The following GALNT17 variants were observed in gnomAD, a reference collection of about 807,000 sequenced individuals.
GALNT17 encodes the protein polypeptide N-acetylgalactosaminyltransferase 17.
GALNT17 carries 29 observed loss-of-function variants against 63.7 expected under a neutral mutation model. The ratio of observed to expected loss-of-function variants is 0.46; its 90% CI spans 0.34 to 0.62. The LOEUF (loss-of-function observed/expected upper bound fraction) is 0.62, where lower values mean the gene tolerates loss of function less well. Among genes scored for constraint, GALNT17 ranks in the 20% least tolerant of loss-of-function variants. GALNT17 has a pLI of 0.01. For missense variants in GALNT17, 603 were observed against 799.6 expected, an observed-to-expected ratio of 0.75 and a Z score of 2.97; for synonymous variants, 305 against 318.3, an observed-to-expected ratio of 0.96 and a Z score of 0.45.
chr7:71,240,386 C>T (rs1377758988), intron 1 of GALNT17, among the ~76,000 whole-genome samples: 2 of 152,158 alleles, frequency 1.3e-5, no homozygotes, highest in African/African-American at 4.8e-5. Context: ...CTAGGTAGCA[C>T]AGTATCCAGT....
At chr7:71,509,020 A>G (rs1788310900) in intron 5 of GALNT17, among the ~76,000 whole-genome samples, 1 of 152,098 alleles carries the variant, frequency 6.6e-6, no homozygotes, top group Non-Finnish European at 1.5e-5. Flanking sequence ...CACCATAAAA[A>G]CAGTTTCCGA....
intron 3 of GALNT17, among the ~76,000 whole-genome samples, chr7:71,410,199 A>G (rs1793405252): frequency 6.6e-6 from 1 of 151,846 alleles, no homozygotes; most frequent in African/African-American, 2.4e-5. Context: ...TTAATGCTGA[A>G]TGTGCTGCAC....
chr7:71,272,335 A>G (rs1248044749), intron 1 of GALNT17, among the ~76,000 whole-genome samples: 1 of 152,204 alleles, frequency 6.6e-6, no homozygotes, highest in Non-Finnish European at 1.5e-5. Context: ...CCTTGGGTAG[A>G]TACGTAGGAA....
intron 1 of GALNT17, among the ~76,000 whole-genome samples, chr7:71,273,994 G>A (rs1278240298): frequency 6.6e-6 from 1 of 152,202 alleles, no homozygotes; most frequent in Non-Finnish European, 1.5e-5. Context: ...TCTAAGCATA[G>A]CATGTGCCAC....
chr7:71,341,148 G>C (rs1791998672), intron 2 of GALNT17, among the ~76,000 whole-genome samples: 1 of 152,164 alleles, frequency 6.6e-6, no homozygotes, highest in Admixed American at 6.6e-5. Flanking sequence ...CTAGGAGTTA[G>C]AGTCCAGCTT....
chr7:71,197,850 TG>T (rs34863950), intron 1 of GALNT17, among the ~76,000 whole-genome samples: 4,031 of 152,194 alleles, frequency 0.026, 177 homozygotes, highest in African/African-American at 0.091. Flanking sequence ...ATTCATCTGT[TG>T]ATGGATGATT....
chr7:71,483,716 T>C (rs1223914767), intron 5 of GALNT17, among the ~76,000 whole-genome samples: 1 of 152,134 alleles, frequency 6.6e-6, no homozygotes, highest in East Asian at 1.9e-4. Context: ...AATTAACCTT[T>C]GCTTACTGTA....
At chr7:71,693,498 G>T (rs1257246604) in intron 9 of GALNT17, among the ~76,000 whole-genome samples, 1 of 151,842 alleles carries the variant, frequency 6.6e-6, no homozygotes, top group Non-Finnish European at 1.5e-5. Flanking sequence ...CTTGTCCTTT[G>T]CAGGGACATG....
chr7:71,284,082 G>C (rs954144455), intron 1 of GALNT17: 1 of 152,234 alleles, frequency 6.6e-6, no homozygotes, highest in African/African-American at 2.4e-5. Context: ...TTTCGGTGCT[G>C]TGGAAGCTTT....
chr7:71,196,247 C>T (rs1249952826), intron 1 of GALNT17, among the ~76,000 whole-genome samples: 1 of 151,928 alleles, frequency 6.6e-6, no homozygotes, highest in African/African-American at 2.4e-5. Context: ...AAGCAATTCC[C>T]CTGCCTCAGC....
At chr7:71,203,733 G>A (rs565091887) in intron 1 of GALNT17, among the ~76,000 whole-genome samples, 4 of 152,276 alleles carry the variant, frequency 2.6e-5, no homozygotes, top group South Asian at 4.1e-4. Context: ...GGCAGAAGGC[G>A]AAGGGGGAGC....
At chr7:71,539,899 C>CT (rs1265346519) in intron 5 of GALNT17, among the ~76,000 whole-genome samples, 8 of 151,078 alleles carry the variant, frequency 5.3e-5, no homozygotes, top group Non-Finnish European at 1.2e-4. Flanking sequence ...GTAGCTGGAA[C>CT]TTTCTGCCCC....
At chr7:71,579,850 A>G (rs1562698840) in intron 6 of GALNT17, among the ~76,000 whole-genome samples, 1 of 151,674 alleles carries the variant, frequency 6.6e-6, no homozygotes, top group Non-Finnish European at 1.5e-5. Flanking sequence ...AGACAAATAG[A>G]TAGGTAGGTA....
In GALNT17 at chr7:71,559,665, C is replaced by G. The variant is rs186253356; in HGVS notation, c.963-11620C>G. On this transcript the variant is annotated intron_variant, in intron 5 of 10. Transcript: ENST00000333538. The stretch of plus-strand genomic sequence containing the variant: ...TCGCTTGAGGCCAGGAGTCGGAGAC[C>G]AGCCTGGGCAACAGAGTGGGACCTT... Among the ~76,000 whole-genome samples, 154 of 152,148 alleles carry G rather than the reference C, an allele frequency of 1.0e-3. 3 individuals carry two copies. Among genetic ancestry groups the G allele is most frequent in the Non-Finnish European group, 1.8e-3 (124 of 68,002 alleles).
chr7:71,583,226 C>T (rs1789662783), intron 6 of GALNT17, among the ~76,000 whole-genome samples: 1 of 152,164 alleles, frequency 6.6e-6, no homozygotes, highest in African/African-American at 2.4e-5. Context: ...TCCTGAGTAG[C>T]TGGGACCACA....
chr7:71,532,458 T>C (rs1366869638), intron 5 of GALNT17, among the ~76,000 whole-genome samples: 3 of 152,214 alleles, frequency 2.0e-5, no homozygotes, highest in African/African-American at 7.2e-5. Flanking sequence ...TGTCTAAATG[T>C]ATTAATGATA....
At chr7:71,321,184 T>G (rs1375345327) in intron 1 of GALNT17, among the ~76,000 whole-genome samples, 1 of 152,184 alleles carries the variant, frequency 6.6e-6, no homozygotes, top group East Asian at 1.9e-4. Context: ...GCATATTTCT[T>G]ACCTGCTCCT....
intron 6 of GALNT17, among the ~76,000 whole-genome samples, chr7:71,615,354 A>G (rs1463862060): frequency 1.3e-5 from 2 of 151,212 alleles, no homozygotes; most frequent in African/African-American, 4.9e-5. Flanking sequence ...TGCCAGCGAG[A>G]CCTCCGAGTC....
At chr7:71,574,779 C>G (rs761461605) in intron 6 of GALNT17, among the ~76,000 whole-genome samples, 8 of 152,110 alleles carry the variant, frequency 5.3e-5, no homozygotes, top group Non-Finnish European at 1.0e-4. Flanking sequence ...TTTACCAAGC[C>G]CTCCTACCCC....
Sources: gnomAD v4.1 joint callset for allele counts (sites outside exome capture counted in the v4.1 genomes callset) on GRCh38, gnomAD v4.1.1 for gene constraint, MANE v1.5 for transcripts, NCBI Gene and HGNC (gene_info 2026-07-23, HGNC 2026-07-21) for gene names.